KCNMB2: variants seen among roughly 807,000 people sequenced by gnomAD.
The protein encoded by KCNMB2 is calcium-activated potassium channel subunit beta-2.
Under a neutral mutation model 24.5 loss-of-function variants are expected in KCNMB2, and 9 were observed. The ratio of observed to expected loss-of-function variants is 0.37; its 90% CI spans 0.22 to 0.64. The LOEUF (loss-of-function observed/expected upper bound fraction) is 0.64, where lower values mean the gene tolerates loss of function less well. KCNMB2 is among the 30% of genes least tolerant of loss of function. The pLI, the probability that KCNMB2 is intolerant of heterozygous loss-of-function variation, is 0.63. For synonymous variants in KCNMB2, 109 were observed against 104.4 expected (o/e 1.04, Z -0.27); for missense variants, 226 against 284.3 (o/e 0.79, Z 1.47).
intron 1 of KCNMB2, among the ~76,000 whole-genome samples, chr3:178,685,626 A>G (rs372493175): frequency 6.6e-6 from 1 of 152,206 alleles, no homozygotes; most frequent in African/African-American, 2.4e-5. Context: ...ACATCATCCT[A>G]TTGCCTTGAA....
intron 1 of KCNMB2, among the ~76,000 whole-genome samples, chr3:178,654,837 C>T (rs1720263773): frequency 6.6e-6 from 1 of 152,180 alleles, no homozygotes. Context: ...AGGGAGTAAG[C>T]TCTACGGTCA....
intron 1 of KCNMB2, 78 bp from the exon 2 acceptor site, chr3:178,807,265 C>G (rs1714007051): frequency 3.4e-6 from 2 of 588,634 alleles, no homozygotes; most frequent in Non-Finnish European, 5.9e-6. Context: ...CCTATGGAAT[C>G]AAAACCCTGT....
rs555632290 is a variant in KCNMB2 at position 178,838,523 on chromosome 3, A to G, written c.424-4130A>G. ...ATCCTCCATTCTTAACTAATCAAAG[A>G]AACTTCCTGCTGTTTATAGTCAAAT... is the stretch of plus-strand genomic sequence containing the variant. On this transcript the variant is annotated intron_variant, in intron 4 of 4. Coordinates refer to ENST00000452583, the MANE Select transcript of KCNMB2 (RefSeq NM_181361.3). 1.2e-4 allele frequency among the ~76,000 whole-genome samples: 19 copies of G among 152,170 alleles called. 2 individuals carry two copies. The South Asian group carries it at 3.7e-3, about 30-fold the overall frequency.
chr3:178,647,453 C>A (rs1000088302), intron 1 of KCNMB2, among the ~76,000 whole-genome samples: 5 of 152,120 alleles, frequency 3.3e-5, no homozygotes, highest in African/African-American at 1.2e-4. Flanking sequence ...GTTTCCAGAG[C>A]CTTAACAGAG....
At position 178,577,921 on chromosome 3, in the gene KCNMB2, C is replaced by T. The variant is rs941906804; in HGVS notation, c.-68+41210C>T. On this transcript the variant is annotated intron_variant, in intron 1 of 4. Coordinates refer to ENST00000452583, the MANE Select transcript of KCNMB2 (RefSeq NM_181361.3). ...ATTTGATTGGTGTACCTGAAAGTGA[C>T]AGGGAGAATGGAACCAAGTTGGAAA... Among the ~76,000 whole-genome samples the T allele has an allele frequency of 5.3e-5, 8 of 152,254 alleles. No individual in the cohort carries two copies. The East Asian group carries it at 9.7e-4, about 18-fold the overall frequency.
At chr3:178,595,984 G>A (rs190981867) in intron 1 of KCNMB2, among the ~76,000 whole-genome samples, 20 of 152,114 alleles carry the variant, frequency 1.3e-4, no homozygotes, top group African/African-American at 4.1e-4. Context: ...TGAGCTTTCC[G>A]AAGAGGCACT....
At chr3:178,662,032 T>C (rs1720551093) in intron 1 of KCNMB2, among the ~76,000 whole-genome samples, 1 of 152,220 alleles carries the variant, frequency 6.6e-6, no homozygotes, top group African/African-American at 2.4e-5. Flanking sequence ...AACAATCTGC[T>C]ATGATATTCA....
chr3:178,631,911 C>T (rs189130405), intron 1 of KCNMB2, among the ~76,000 whole-genome samples: 1 of 152,298 alleles, frequency 6.6e-6, no homozygotes, highest in East Asian at 1.9e-4. Flanking sequence ...CTAGCCACAG[C>T]TTCACATCAT....
chr3:178,585,188 G>A (rs1009199912), intron 1 of KCNMB2, among the ~76,000 whole-genome samples: 10 of 152,080 alleles, frequency 6.6e-5, no homozygotes, highest in African/African-American at 1.7e-4. Flanking sequence ...CTCTAGAAAC[G>A]CTTATGTTTT....
At chr3:178,722,286 A>G (rs927184957) in intron 1 of KCNMB2, among the ~76,000 whole-genome samples, 2 of 152,214 alleles carry the variant, frequency 1.3e-5, no homozygotes, top group Non-Finnish European at 2.9e-5. Context: ...AGCCTTGTTG[A>G]AAAGACTTGA....
At chr3:178,684,972 C>T (rs906654606) in intron 1 of KCNMB2, among the ~76,000 whole-genome samples, 1 of 152,146 alleles carries the variant, frequency 6.6e-6, no homozygotes, top group Non-Finnish European at 1.5e-5. Context: ...TGAAGTTTTC[C>T]CTTTCTTACC....
intron 1 of KCNMB2, among the ~76,000 whole-genome samples, chr3:178,786,825 C>T (rs1713120614): frequency 6.6e-6 from 1 of 151,122 alleles, no homozygotes; most frequent in Non-Finnish European, 1.5e-5. Flanking sequence ...AAAAAACCTA[C>T]TTGCAATTTT....
intron 1 of KCNMB2, among the ~76,000 whole-genome samples, chr3:178,700,817 TCAAA>T (rs34866294): frequency 0.33 from 49,449 of 151,610 alleles, 8,739 homozygotes; most frequent in African/African-American, 0.47. Flanking sequence ...AAACTACTCT[TCAAA>T]CAAAGTTTTA....
At chr3:178,725,742 A>G (rs1348029425) in intron 1 of KCNMB2, among the ~76,000 whole-genome samples, 2 of 152,050 alleles carry the variant, frequency 1.3e-5, no homozygotes, top group African/African-American at 4.8e-5. Flanking sequence ...GTTGTCAGAT[A>G]TTAATATAAA....
chr3:178,748,424 C>G (rs1723739647), intron 1 of KCNMB2: 1 of 152,188 alleles, frequency 6.6e-6, no homozygotes, highest in Non-Finnish European at 1.5e-5. Context: ...ATCTTATCAG[C>G]TCACATAGTC....
intron 1 of KCNMB2, among the ~76,000 whole-genome samples, chr3:178,678,597 G>A (rs769247484): frequency 2.0e-5 from 3 of 152,064 alleles, no homozygotes; most frequent in Non-Finnish European, 2.9e-5. Context: ...CCTCATTTCC[G>A]ACATAGTCCA....
chr3:178,652,293 G>A (rs1250983406), intron 1 of KCNMB2, among the ~76,000 whole-genome samples: 2 of 152,078 alleles, frequency 1.3e-5, no homozygotes, highest in African/African-American at 2.4e-5. Context: ...ACAGGGAGGG[G>A]ATCATTGCAC....
At chr3:178,677,233 G>A (rs572664693) in intron 1 of KCNMB2, among the ~76,000 whole-genome samples, 3 of 152,086 alleles carry the variant, frequency 2.0e-5, no homozygotes, top group Non-Finnish European at 2.9e-5. Flanking sequence ...GTTGACAGAG[G>A]GCTTCCTGAC....
intron 1 of KCNMB2, among the ~76,000 whole-genome samples, chr3:178,644,584 C>T (rs1277961119): frequency 6.6e-6 from 1 of 152,242 alleles, no homozygotes; most frequent in East Asian, 1.9e-4. Flanking sequence ...GATGGGGCCA[C>T]TTAAGCTCCA....
Sources: allele counts gnomAD v4.1 joint callset (sites outside exome capture counted in the v4.1 genomes callset), GRCh38; gene constraint gnomAD v4.1.1; transcripts MANE v1.5; gene names NCBI Gene and HGNC (gene_info 2026-07-23, HGNC 2026-07-21).